Variants in ITM2B observed in about 807,000 individuals in gnomAD.
The protein encoded by ITM2B is ABri/ADan amyloid peptide.
Under a neutral mutation model 27.8 loss-of-function variants are expected in ITM2B, and 11 were observed. The ratio of observed to expected loss-of-function variants is 0.40; its 90% CI spans 0.25 to 0.66. The LOEUF is 0.66. ITM2B is among the 30% of genes least tolerant of loss of function. ITM2B has a pLI of 0.43. For synonymous variants in ITM2B, 114 were observed against 114.3 expected (o/e 1.00, Z 0.02); for missense variants, 296 against 328.9 (o/e 0.90, Z 0.77).
rs1951876355 is a variant in ITM2B, at chr13:48,270,134, A to G, written c.*8910A>G. 1 of 152,210 alleles carries G rather than the reference A, an allele frequency of 6.6e-6. No homozygotes were observed. Among genetic ancestry groups the G allele is most frequent in the African/African-American group, 2.4e-5 (1 of 41,456 alleles). The allele number at this position is 152,210 out of a possible 1,614,324, so 9.4% of individuals were successfully genotyped here. On this transcript the variant is annotated 3_prime_UTR_variant, in exon 6 of 6. Coordinates refer to ENST00000647800, the MANE Select transcript of ITM2B (RefSeq NM_021999.5). ...TTGCTGCCCAGTGAGCAATATGGTC[A>G]TTGGTCAAGAAGGCTTATGCCCAGG...
chr13:48,251,702 G>T (rs764485571), intron 1 of ITM2B, among the ~76,000 whole-genome samples: 1 of 152,046 alleles, frequency 6.6e-6, no homozygotes, highest in Non-Finnish European at 1.5e-5. Context: ...GGGTGTGTGC[G>T]CACATTTGGC....
chr13:48,259,848 T>C (rs1476173392), intron 5 of ITM2B, among the ~76,000 whole-genome samples: 2 of 152,040 alleles, frequency 1.3e-5, no homozygotes, highest in Non-Finnish European at 2.9e-5. Flanking sequence ...GTTTTTCTTT[T>C]CTTTTCTTTT....
chr13:48,246,595 T>C (rs1002865), intron 1 of ITM2B, among the ~76,000 whole-genome samples: 6,011 of 152,252 alleles, frequency 0.039, 322 homozygotes, highest in African/African-American at 0.12. Flanking sequence ...AGAAACCTAA[T>C]GTAGAAACCA....
At chr13:48,244,022 G>T (rs1159732589) in intron 1 of ITM2B, among the ~76,000 whole-genome samples, 4 of 152,080 alleles carry the variant, frequency 2.6e-5, no homozygotes, top group African/African-American at 9.7e-5. Flanking sequence ...TATTAGCTCT[G>T]TGATATTACA....
At chr13:48,237,770 T>C (rs9332255) in intron 1 of ITM2B, among the ~76,000 whole-genome samples, 1,776 of 152,314 alleles carry the variant, frequency 0.012, 35 homozygotes, top group African/African-American at 0.041. Context: ...ATACCATAAC[T>C]TAAATGTCTG....
At chr13:48,241,464 G>A (rs34692420) in intron 1 of ITM2B, among the ~76,000 whole-genome samples, 6,007 of 152,090 alleles carry the variant, frequency 0.039, 323 homozygotes, top group African/African-American at 0.12. Context: ...CACCCACCTC[G>A]GCCTCTCAAA....
chr13:48,258,999 A>G (rs1474632620), intron 5 of ITM2B, 52 bp downstream of exon 5: 1 of 1,426,346 alleles, frequency 7.0e-7, no homozygotes, highest in Non-Finnish European at 9.8e-7. Context: ...ATTGCATTAA[A>G]CTAGATTTAG....
At chr13:48,244,037 T>A (rs1019089917) in intron 1 of ITM2B, among the ~76,000 whole-genome samples, 6 of 152,204 alleles carry the variant, frequency 3.9e-5, no homozygotes, top group Admixed American at 3.9e-4. Context: ...ATTACATAAA[T>A]AATTTTACTT....
At chr13:48,255,971 T>G (rs1001844155) in intron 2 of ITM2B, among the ~76,000 whole-genome samples, 2 of 152,154 alleles carry the variant, frequency 1.3e-5, no homozygotes, top group Non-Finnish European at 2.9e-5. Context: ...CCAGCTGCCT[T>G]TCTTCTGAAG....
At position 48,253,443 on chromosome 13, in the gene ITM2B, T is replaced by C. The variant is rs567839066; in HGVS notation, c.118-365T>C. ...TAATGTACAAGGCTCATCATCATAT[T>C]ATGTGACTAAGTTGTAGCATAACCT... On this transcript the variant is annotated intron_variant, in intron 1 of 5. Transcript: ENST00000647800. Among the ~76,000 whole-genome samples, 5 of 152,348 alleles carry C rather than the reference T, an allele frequency of 3.3e-5. No individual in the cohort carries two copies. The South Asian group carries it at 1.0e-3, about 32-fold the overall frequency.
chr13:48,269,648 G>C lies in ITM2B; in HGVS notation c.*8424G>C, dbSNP rs981143520. ...GAGCCTTTGCACTTGCTGTTTCTGG[G>C]CCAGGAATTCCACACCCTCCTTCCC... On this transcript the variant is annotated 3_prime_UTR_variant, in exon 6 of 6. Transcript: ENST00000647800. 1 of 152,310 alleles carries C rather than the reference G, an allele frequency of 6.6e-6. No homozygotes were observed. Among genetic ancestry groups the C allele is most frequent in the African/African-American group, 2.4e-5 (1 of 41,414 alleles). The allele number at this position is 152,310 out of a possible 1,614,324, so 9.4% of individuals were successfully genotyped here. A position where few individuals can be genotyped will look rare whatever the true frequency, so the allele number is the denominator to read the frequency against.
At chr13:48,237,734 G>A (rs1951676764) in intron 1 of ITM2B, among the ~76,000 whole-genome samples, 1 of 152,164 alleles carries the variant, frequency 6.6e-6, no homozygotes, top group Non-Finnish European at 1.5e-5. Context: ...GTCATTGGGG[G>A]AGATTTTATT....
At chr13:48,254,057 A>G in intron 2 of ITM2B, 121 bp downstream of exon 2, 1 of 913,754 alleles carries the variant, frequency 1.1e-6, no homozygotes, top group Non-Finnish European at 1.7e-6. Flanking sequence ...ACCTTCAGCC[A>G]GAGTGGTAGT....
In ITM2B at chr13:48,253,855, GTGC is replaced by G. The variant is rs1566162404; in HGVS notation, c.166_168del (p.Cys56del). On this transcript the variant is annotated inframe_deletion, in exon 2 of 6. Coordinates refer to ENST00000647800, the MANE Select transcript of ITM2B (RefSeq NM_021999.5). Reference sequence around the variant, plus strand: ...TTGGCCAAAGAAGAGCCTGGTGTTGGTGCATGTGCTTTGGACTAGCATTTATGC... The same window carrying G: ...TTGGCCAAAGAAGAGCCTGGTGTTGGATGTGCTTTGGACTAGCATTTATGC... 6.2e-7 allele frequency: 1 copy of G among 1,613,622 alleles called. No individual in the cohort carries two copies. The highest frequency in any genetic ancestry group is 8.5e-7 in the Non-Finnish European group (1 of 1,179,660).
At position 48,239,878 on chromosome 13, in the gene ITM2B, A is replaced by G. The variant is rs1040083931; in HGVS notation, c.117+6401A>G. On this transcript the variant is annotated intron_variant, in intron 1 of 5. Transcript: ENST00000647800. Reference sequence around the variant, plus strand: ...GCTGTTTTTCTGTAGCCCATGGGGTAAGAATGATTTTTATATTTTTTAATG... The same window carrying G: ...GCTGTTTTTCTGTAGCCCATGGGGTGAGAATGATTTTTATATTTTTTAATG... Among the ~76,000 whole-genome samples, 3 of 152,282 alleles carry G rather than the reference A, an allele frequency of 2.0e-5. No homozygotes were observed. In the East Asian group the frequency reaches 5.8e-4, roughly 29 times the overall value.
intron 1 of ITM2B, among the ~76,000 whole-genome samples, chr13:48,247,240 T>C (rs1270145414): frequency 6.6e-6 from 1 of 152,234 alleles, no homozygotes; most frequent in Non-Finnish European, 1.5e-5. Context: ...GCAGCTGTCC[T>C]ATGCACCCCC....
At chr13:48,233,909 G>C (rs1169075494) in intron 1 of ITM2B, among the ~76,000 whole-genome samples, 1 of 152,158 alleles carries the variant, frequency 6.6e-6, no homozygotes, top group Non-Finnish European at 1.5e-5. Context: ...AACCTCTGTT[G>C]TTTCCCACTT....
chr13:48,233,415 G>T lies in ITM2B; in HGVS notation c.55G>T (p.Glu19Ter). 1 of 1,554,944 alleles carries T rather than the reference G, an allele frequency of 6.4e-7. No individual in the cohort carries two copies. The change falls in exon 1 of 6, where the codon GAG (glutamate) becomes TAG (stop). Residue 19 changes from glutamate (E) to a stop codon, truncating the protein, a stop_gained. Transcript: ENST00000647800. LOFTEE classifies it high-confidence loss of function. ...ALAQKEAKKDEPKSGEEALII... is the reference protein window; with the variant it reads ...ALAQKEAKKD ...GGCCCAGAAGGAGGCCAAGAAGGAC[G>T]AGCCCAAGAGCGGCGAGGAGGCGCT...
chr13:48,233,396 G>A lies in ITM2B; in HGVS notation c.36G>A (p.Gln12=). The A allele has an allele frequency of 6.4e-7, 1 of 1,565,218 alleles. No homozygotes were observed. Among genetic ancestry groups the A allele is most frequent in the Non-Finnish European group, 8.6e-7 (1 of 1,158,076 alleles). The change falls in exon 1 of 6, where the codon CAG becomes CAA. Residue 12 remains glutamine (Q), a synonymous_variant. Transcript: ENST00000647800. ...VKVTFNSALA[Q]KEAKKDEPKS... ...TGACGTTCAACTCCGCTCTGGCCCA[G>A]AAGGAGGCCAAGAAGGACGAGCCCA...
Sources: gnomAD v4.1 joint callset for allele counts (sites outside exome capture counted in the v4.1 genomes callset) on GRCh38, gnomAD v4.1.1 for gene constraint, MANE v1.5 for transcripts, NCBI Gene and HGNC (gene_info 2026-07-23, HGNC 2026-07-21) for gene names.